Variants in GFM2 observed in about 807,000 individuals in gnomAD.
The protein encoded by GFM2 is GTP dependent ribosome recycling factor mitochondrial 2.
A neutral mutation model predicts 95.4 loss-of-function variants in GFM2; 72 were observed. The observed-to-expected ratio is 0.76, with a 90% CI of 0.62 to 0.92. The LOEUF (loss-of-function observed/expected upper bound fraction) is 0.92. Among genes scored for constraint, GFM2 ranks in the 40% least tolerant of loss-of-function variants. The probability of loss-of-function intolerance (pLI) is 0.00; values close to 1 mark genes in which losing one functional copy is unlikely to be tolerated. For missense variants in GFM2, 825 were observed against 924.1 expected (o/e 0.89, Z 1.39); for synonymous variants, 276 against 317.5 (o/e 0.87, Z 1.39).
intron 14 of GFM2, among the ~76,000 whole-genome samples, chr5:74,737,391 T>A (rs1335704674): frequency 6.6e-6 from 1 of 152,186 alleles, no homozygotes; most frequent in East Asian, 1.9e-4. Flanking sequence ...TTAACCAGAA[T>A]ACCCTTAACT....
At chr5:74,752,356 C>T (rs1011114078) in intron 5 of GFM2, among the ~76,000 whole-genome samples, 1 of 152,016 alleles carries the variant, frequency 6.6e-6, no homozygotes, top group African/African-American at 2.4e-5. Flanking sequence ...AGCATTAAAC[C>T]CCTAAAATGG....
At chr5:74,723,328 G>GTGTC (rs919853775) in intron 19 of GFM2, among the ~76,000 whole-genome samples, 1 of 152,180 alleles carries the variant, frequency 6.6e-6, no homozygotes, top group African/African-American at 2.4e-5. Flanking sequence ...CTTTGGGATA[G>GTGTC]TGTCTGAATA....
intron 7 of GFM2, among the ~76,000 whole-genome samples, chr5:74,748,938 AAAAATAAAAT>A (rs201633956): frequency 0.028 from 4,088 of 147,372 alleles, 109 homozygotes; most frequent in African/African-American, 0.067. Flanking sequence ...AAAAAAAATA[AAAAATAAAAT>A]AAAATAAAAT....
At chr5:74,756,167 T>C (rs1161914048) in intron 5 of GFM2, among the ~76,000 whole-genome samples, 1 of 152,176 alleles carries the variant, frequency 6.6e-6, no homozygotes, top group African/African-American at 2.4e-5. Flanking sequence ...CATCCCTCTA[T>C]GATTAAAACC....
intron 10 of GFM2, chr5:74,741,867 T>G: frequency 7.6e-6 from 2 of 264,024 alleles, no homozygotes; most frequent in Non-Finnish European, 1.4e-5. Flanking sequence ...CTTAATTAAA[T>G]GCTATCAGTG....
chr5:74,747,565 C>A, intron 8 of GFM2, 127 bp downstream of exon 8: 1 of 544,814 alleles, frequency 1.8e-6, no homozygotes, highest in South Asian at 2.8e-5. Context: ...ACTGGGATTC[C>A]ATGGAATATT....
chr5:74,751,015 A>G (rs1397882824), intron 6 of GFM2, among the ~76,000 whole-genome samples: 1 of 152,216 alleles, frequency 6.6e-6, no homozygotes, highest in African/African-American at 2.4e-5. Flanking sequence ...AGATAAGCCA[A>G]TCACAAGAGG....
intron 10 of GFM2, among the ~76,000 whole-genome samples, chr5:74,742,293 G>A (rs146631419): frequency 1.3e-4 from 20 of 150,746 alleles, no homozygotes; most frequent in African/African-American, 4.9e-4. Context: ...ACAGGATTAA[G>A]TATAGCAGAA....
chr5:74,754,425 G>A (rs1278977347), intron 5 of GFM2, among the ~76,000 whole-genome samples: 2 of 151,814 alleles, frequency 1.3e-5, no homozygotes, highest in Non-Finnish European at 2.9e-5. Context: ...AAGAATGGTA[G>A]AATGGATAAG....
At chr5:74,729,058 G>A (rs1750291377) in intron 17 of GFM2, among the ~76,000 whole-genome samples, 1 of 151,982 alleles carries the variant, frequency 6.6e-6, no homozygotes, top group Non-Finnish European at 1.5e-5. Flanking sequence ...GGCCATGTGT[G>A]GCATCTGAGG....
chr5:74,736,790 T>C lies in GFM2; in HGVS notation c.1510+6A>G. The stretch of plus-strand genomic sequence containing the variant: ...TAATTAGTTGACACACTAAGACCAT[T>C]TATACCTGGCTGCTTAGACAGTGAT... On this transcript the variant is annotated splice_donor_region_variant and intron_variant, in intron 15 of 20. Transcript: ENST00000296805. 1.2e-6 allele frequency: 2 copies of C among 1,613,744 alleles called. No homozygotes were observed. The highest frequency in any genetic ancestry group is 1.7e-6 in the Non-Finnish European group (2 of 1,179,684).
intron 11 of GFM2, among the ~76,000 whole-genome samples, chr5:74,741,147 T>C (rs970568114): frequency 6.6e-6 from 1 of 152,116 alleles, no homozygotes; most frequent in African/African-American, 2.4e-5. Flanking sequence ...CAGAAAATAA[T>C]GTTCTCAGAA....
chr5:74,758,342 C>T (rs1462791251), intron 5 of GFM2, among the ~76,000 whole-genome samples: 1 of 152,186 alleles, frequency 6.6e-6, no homozygotes, highest in Non-Finnish European at 1.5e-5. Flanking sequence ...AGATACCGAA[C>T]TCTGGGCTTC....
chr5:74,764,781 T>G (rs1369143089), intron 1 of GFM2, among the ~76,000 whole-genome samples: 22 of 130,342 alleles, frequency 1.7e-4, no homozygotes, highest in East Asian at 1.2e-3. Flanking sequence ...CTTTGTTGTT[T>G]TTTTTTTTTT....
Position 74,725,787 on chromosome 5 carries a change from T to C in GFM2, c.1913-32A>G, listed in dbSNP as rs778603093. On this transcript the variant is annotated intron_variant, in intron 18 of 20. Transcript: ENST00000296805. ...AAGGGAAAAAAATTGTATCATACTC[T>C]GCTAGATGTGAAGTGAGAAGTAACT... is the stretch of plus-strand genomic sequence containing the variant. 3.7e-5 allele frequency: 57 copies of C among 1,525,522 alleles called. 1 individual carries two copies. Among genetic ancestry groups the C allele is most frequent in the Non-Finnish European group, 5.0e-5 (55 of 1,100,222 alleles). The allele number at this position is 1,525,522 out of a possible 1,614,324, so 94.5% of individuals were successfully genotyped here. A position where few individuals can be genotyped will look rare whatever the true frequency, so the allele number is the denominator to read the frequency against.
intron 12 of GFM2, among the ~76,000 whole-genome samples, chr5:74,738,962 G>T (rs1282625351): frequency 1.3e-5 from 2 of 151,946 alleles, no homozygotes; most frequent in East Asian, 3.9e-4. Flanking sequence ...ATCTGCACAG[G>T]GTAAATAAAT....
At chr5:74,740,564 T>C (rs542051040) in intron 11 of GFM2, among the ~76,000 whole-genome samples, 27 of 151,980 alleles carry the variant, frequency 1.8e-4, no homozygotes, top group Non-Finnish European at 2.9e-4. Context: ...AAGGGAAAAA[T>C]GAGAAATCCA....
intron 5 of GFM2, among the ~76,000 whole-genome samples, chr5:74,754,275 C>T (rs780870647): frequency 2.7e-5 from 4 of 148,744 alleles, no homozygotes; most frequent in Admixed American, 2.0e-4. Context: ...AAGCATAAAT[C>T]TCACAGGACC....
At chr5:74,742,389 C>T (rs994561886) in intron 10 of GFM2, among the ~76,000 whole-genome samples, 2 of 152,190 alleles carry the variant, frequency 1.3e-5, no homozygotes, top group East Asian at 1.9e-4. Context: ...ATGGTTCCAC[C>T]ACTTACCCAC....
Sources: gnomAD v4.1 joint callset for allele counts (sites outside exome capture counted in the v4.1 genomes callset) on GRCh38, gnomAD v4.1.1 for gene constraint, MANE v1.5 for transcripts, NCBI Gene and HGNC (gene_info 2026-07-23, HGNC 2026-07-21) for gene names.